The following NRDE2 variants were observed in gnomAD, a reference collection of about 807,000 sequenced individuals.
NRDE2 encodes the protein nuclear exosome regulator NRDE2.
In NRDE2, 76 loss-of-function variants were observed where a neutral mutation model predicts 124.2. That is an observed-to-expected ratio of 0.61 (90% CI 0.51 to 0.74). The LOEUF is 0.74. NRDE2 is among the 30% of genes least tolerant of loss of function. NRDE2 has a pLI of 0.00. For missense variants in NRDE2, 1,314 were observed against 1,417.3 expected, an observed-to-expected ratio of 0.93 and a Z score of 1.17; for synonymous variants, 489 against 528.1, an observed-to-expected ratio of 0.93 and a Z score of 1.01.
At chr14:90,317,840 A>G in intron 2 of NRDE2, 165 bp downstream of exon 2, 1 of 543,946 alleles carries the variant, frequency 1.8e-6, no homozygotes, top group South Asian at 2.8e-5. Context: ...AAAGAAAAAA[A>G]AAAGAATACA....
Position 90,274,426 on chromosome 14 carries a change from C to T in NRDE2, c.*3910G>A, listed in dbSNP as rs1799706477. Reference sequence around the variant, plus strand: ...ACAGGACAGTGGGAGCCAGGTTTCTCTGAGGAGTTAGACACAGAAAGAAGA... The same window carrying T: ...ACAGGACAGTGGGAGCCAGGTTTCTTTGAGGAGTTAGACACAGAAAGAAGA... On this transcript the variant is annotated 3_prime_UTR_variant, in exon 14 of 14. Coordinates refer to ENST00000354366, the MANE Select transcript of NRDE2 (RefSeq NM_017970.4). The T allele has an allele frequency of 6.5e-6, 1 of 153,638 alleles. No individual in the cohort carries two copies. The highest frequency in any genetic ancestry group is 1.5e-5 in the Non-Finnish European group (1 of 68,212). 9.5% of individuals were successfully genotyped at this position (153,638 alleles called of 1,614,324 possible).
rs758065500 is a variant in NRDE2 at position 90,288,384 on chromosome 14, G to C, written c.2991C>G (p.Asn997Lys). The C allele has an allele frequency of 5.0e-6, 8 of 1,614,170 alleles. No homozygotes were observed. Among genetic ancestry groups the C allele is most frequent in the Non-Finnish European group, 5.1e-6 (6 of 1,180,034 alleles). Residue 997 changes from asparagine to lysine, a missense_variant, in exon 11 of 14, where the codon AAC becomes AAG. Transcript: ENST00000354366. ...GTACATAGGACCTCCAAAGAACCTGGTTGCCTGGATACAACTTTAAAGCCT... is the reference window on the plus strand; with the variant it reads ...GTACATAGGACCTCCAAAGAACCTGCTTGCCTGGATACAACTTTAAAGCCT... ...LSQALKLYPG[N>K]QVLWRSYVQI...
At chr14:90,282,917 A>G (rs1057179980) in intron 12 of NRDE2, among the ~76,000 whole-genome samples, 1 of 152,160 alleles carries the variant, frequency 6.6e-6, no homozygotes, top group African/African-American at 2.4e-5. Context: ...ACATTTTTAC[A>G]GGGAAAAAAG....
At chr14:90,331,724 CG>C (rs1367253424) in intron 1 of NRDE2, 116 bp downstream of exon 1, 1 of 1,176,080 alleles carries the variant, frequency 8.5e-7, no homozygotes, top group Non-Finnish European at 1.3e-6. Context: ...TGCAGCGCCG[CG>C]GAGAACTCTG....
Position 90,316,786 on chromosome 14 carries a change from C to G in NRDE2, c.199G>C (p.Asp67His). The G allele has an allele frequency of 6.2e-7, 1 of 1,609,712 alleles. No homozygotes were observed. The highest frequency in any genetic ancestry group is 8.5e-7 in the Non-Finnish European group (1 of 1,179,158). ...AGCTTTTTGTTAGTGTCACTTTCATCTGAAGACTCTGATTTCAGATGACTC... is the reference window on the plus strand; with the variant it reads ...AGCTTTTTGTTAGTGTCACTTTCATGTGAAGACTCTGATTTCAGATGACTC... ...TRSHLKSESS[D>H]ESDTNKKLKQ... The change falls in exon 3 of 14, where the codon GAT becomes CAT. Residue 67 changes from aspartate to histidine, a missense_variant. Transcript: ENST00000354366.
In NRDE2 at chr14:90,274,435, T is replaced by TA. The variant is rs1387230208; in HGVS notation, c.*3900dup. ...TGGGAGCCAGGTTTCTCTGAGGAGT[T>TA]AGACACAGAAAGAAGAAAACAAGAA... On this transcript the variant is annotated 3_prime_UTR_variant, in exon 14 of 14. Coordinates refer to ENST00000354366, the MANE Select transcript of NRDE2 (RefSeq NM_017970.4). 3.9e-5 allele frequency: 6 copies of TA among 153,400 alleles called. No homozygotes were observed. The East Asian group carries it at 1.2e-3, about 30-fold the overall frequency. The allele number at this position is 153,400 out of a possible 1,614,324, so 9.5% of individuals were successfully genotyped here. A position where few individuals can be genotyped will look rare whatever the true frequency, so the allele number is the denominator to read the frequency against.
chr14:90,286,534 C>G, intron 11 of NRDE2, 42 bp from the exon 12 acceptor site: 1 of 1,595,264 alleles, frequency 6.3e-7, no homozygotes. Flanking sequence ...CAAGCTCTCT[C>G]ATCCTACATC....
chr14:90,295,257 C>T (rs1884099534), intron 8 of NRDE2, among the ~76,000 whole-genome samples: 1 of 152,134 alleles, frequency 6.6e-6, no homozygotes, highest in Middle Eastern at 3.4e-3. Context: ...TATACTATTT[C>T]AAAATAAAAC....
In NRDE2 at chr14:90,271,928, C is replaced by T. The variant is rs528893135; in HGVS notation, c.*6408G>A. The T allele has an allele frequency of 2.7e-4, 40 of 147,374 alleles. No individual in the cohort carries two copies. Among genetic ancestry groups the T allele is most frequent in the African/African-American group, 8.7e-4 (34 of 38,882 alleles). 9.1% of individuals were successfully genotyped at this position (147,374 alleles called of 1,614,324 possible). On this transcript the variant is annotated 3_prime_UTR_variant, in exon 14 of 14. Coordinates refer to ENST00000354366, the MANE Select transcript of NRDE2 (RefSeq NM_017970.4). ...TTTTTTTTTGAGGTAGAGTTTCGCTCGTTGCTCAGGCTAGAGTGCAGTGGC... is the reference window on the plus strand; with the variant it reads ...TTTTTTTTTGAGGTAGAGTTTCGCTTGTTGCTCAGGCTAGAGTGCAGTGGC...
intron 1 of NRDE2, among the ~76,000 whole-genome samples, chr14:90,325,660 G>C (rs1885399577): frequency 6.6e-6 from 1 of 152,020 alleles, no homozygotes; most frequent in African/African-American, 2.4e-5. Context: ...CGAGTAGCTG[G>C]GACCACAGGA....
chr14:90,280,623 G>C (rs535052341), intron 12 of NRDE2: 1 of 152,396 alleles, frequency 6.6e-6, no homozygotes, highest in East Asian at 1.9e-4. Flanking sequence ...GTGAAAGCTT[G>C]GTGGGGACCA....
At position 90,277,109 on chromosome 14, in the gene NRDE2, C is replaced by CGGTG. The variant is rs1891821687; in HGVS notation, c.*1223_*1226dup. The CGGTG allele has an allele frequency of 6.6e-6, 1 of 152,220 alleles. No individual in the cohort carries two copies. The highest frequency in any genetic ancestry group is 1.9e-4 in the East Asian group (1 of 5,168). 9.4% of individuals were successfully genotyped at this position (152,220 alleles called of 1,614,324 possible). A position where few individuals can be genotyped will look rare whatever the true frequency, so the allele number is the denominator to read the frequency against. On this transcript the variant is annotated 3_prime_UTR_variant, in exon 14 of 14. Coordinates refer to ENST00000354366, the MANE Select transcript of NRDE2 (RefSeq NM_017970.4). The stretch of plus-strand genomic sequence containing the variant: ...GACCTGTCTGTCGCTAAGGAACACC[C>CGGTG]GGTGGGCTTCTGCCTACAGCCACCT...
rs2139652159 is a variant in NRDE2 at position 90,270,496 on chromosome 14, A to G, written c.*7840T>C. ...TCATATTGGTTTACGATTACATCCA[A>G]ATGGTATATGTGCTTGATATTGAAG... On this transcript the variant is annotated 3_prime_UTR_variant, in exon 14 of 14. Coordinates refer to ENST00000354366, the MANE Select transcript of NRDE2 (RefSeq NM_017970.4). 1 of 905,672 alleles carries G rather than the reference A, an allele frequency of 1.1e-6. No individual in the cohort carries two copies. The highest frequency in any genetic ancestry group is 1.6e-6 in the Non-Finnish European group (1 of 624,820). 56.1% of individuals were successfully genotyped at this position (905,672 alleles called of 1,614,324 possible). A position where few individuals can be genotyped will look rare whatever the true frequency, so the allele number is the denominator to read the frequency against.
chr14:90,318,420 AT>A (rs2139708398), intron 1 of NRDE2, among the ~76,000 whole-genome samples: 1 of 152,324 alleles, frequency 6.6e-6, no homozygotes, highest in African/African-American at 2.4e-5. Context: ...CATTCCATCC[AT>A]CCACACTGTC....
Position 90,273,104 on chromosome 14 carries a change from CTT to C in NRDE2, c.*5230_*5231del, listed in dbSNP as rs1384955365. ...TTCTCCGTCTATTTCCGTCATTTCT[CTT>C]TCTGAACAAATCAGGCCTAAAGCTA... On this transcript the variant is annotated 3_prime_UTR_variant, in exon 14 of 14. Coordinates refer to ENST00000354366, the MANE Select transcript of NRDE2 (RefSeq NM_017970.4). 2 of 152,196 alleles carry C rather than the reference CTT, an allele frequency of 1.3e-5. No homozygotes were observed. The highest frequency in any genetic ancestry group is 2.9e-5 in the Non-Finnish European group (2 of 68,046). 9.4% of individuals were successfully genotyped at this position (152,196 alleles called of 1,614,324 possible).
At chr14:90,312,664 C>T in intron 3 of NRDE2, 121 bp from the exon 4 acceptor site, 2 of 870,952 alleles carry the variant, frequency 2.3e-6, no homozygotes, top group South Asian at 1.5e-5. Flanking sequence ...ATCAAACACA[C>T]CTAAGCACAT....
chr14:90,322,676 G>A (rs1199221054), intron 1 of NRDE2, among the ~76,000 whole-genome samples: 2 of 152,156 alleles, frequency 1.3e-5, no homozygotes, highest in Non-Finnish European at 2.9e-5. Flanking sequence ...GGTACTGGGG[G>A]TATAGTGGGG....
In NRDE2 at chr14:90,273,757, T is replaced by C. The variant is rs192691025; in HGVS notation, c.*4579A>G. The C allele has an allele frequency of 2.5e-4, 39 of 154,824 alleles. 1 individual carries two copies. The highest frequency in any genetic ancestry group is 7.9e-4 in the African/African-American group (33 of 41,618). 9.6% of individuals were successfully genotyped at this position (154,824 alleles called of 1,614,324 possible). On this transcript the variant is annotated 3_prime_UTR_variant, in exon 14 of 14. Coordinates refer to ENST00000354366, the MANE Select transcript of NRDE2 (RefSeq NM_017970.4). ...TCTTGGAGTTGTGGGCCAGCTGAGG[T>C]CAGCATTTCCTTGCTGGCTGCCAGC... is the stretch of plus-strand genomic sequence containing the variant.
Position 90,288,985 on chromosome 14 carries a change from T to A in NRDE2, c.2390A>T (p.Glu797Val). The A allele has an allele frequency of 6.2e-7, 1 of 1,613,410 alleles. No homozygotes were observed. Among genetic ancestry groups the A allele is most frequent in the South Asian group, 1.1e-5 (1 of 91,076 alleles). ...TGTGTCAAAAACTTTTCTGGCATCC[T>A]CCGTGTTGCCAAGCAACCACTCCAG... ...AHLEWLLGNT[E>V]DARKVFDTAL... The change falls in exon 11 of 14, where the codon GAG becomes GTG. Residue 797 changes from glutamate to valine, a missense_variant. Transcript: ENST00000354366.
Sources: gnomAD v4.1 joint callset for allele counts (sites outside exome capture counted in the v4.1 genomes callset) on GRCh38, gnomAD v4.1.1 for gene constraint, MANE v1.5 for transcripts, NCBI Gene and HGNC (gene_info 2026-07-23, HGNC 2026-07-21) for gene names.